The following AKAP6 variants were observed in gnomAD, a reference collection of about 807,000 sequenced individuals.
AKAP6 encodes A-kinase anchor protein 6.
AKAP6 carries 58 observed loss-of-function variants against 188.5 expected under a neutral mutation model. The ratio of observed to expected loss-of-function variants is 0.31; its 90% CI spans 0.25 to 0.38. The LOEUF (loss-of-function observed/expected upper bound fraction) is 0.38. AKAP6 is among the 10% of genes least tolerant of loss of function. The pLI is 1.00. For missense variants in AKAP6, 2,710 were observed against 2,740.0 expected (o/e 0.99, Z 0.24); for synonymous variants, 989 against 998.6 (o/e 0.99, Z 0.18).
chr14:32,346,729 C>A (rs373530010), intron 1 of AKAP6, among the ~76,000 whole-genome samples: 4 of 152,128 alleles, frequency 2.6e-5, no homozygotes, highest in Non-Finnish European at 5.9e-5. Flanking sequence ...AGGATGGTCT[C>A]GATCTCCTGA....
intron 1 of AKAP6, among the ~76,000 whole-genome samples, chr14:32,354,690 A>G (rs185396962): frequency 1.3e-5 from 2 of 152,194 alleles, no homozygotes; most frequent in Non-Finnish European, 2.9e-5. Context: ...CTTTCTCATA[A>G]TCAAGCTTTT....
chr14:32,671,073 G>A (rs895267765), intron 7 of AKAP6, among the ~76,000 whole-genome samples: 1 of 152,176 alleles, frequency 6.6e-6, no homozygotes, highest in African/African-American at 2.4e-5. Context: ...AAAGTGACAT[G>A]TTCAGCTACA....
chr14:32,372,480 G>A (rs1202681179), intron 1 of AKAP6, among the ~76,000 whole-genome samples: 2 of 151,890 alleles, frequency 1.3e-5, no homozygotes, highest in African/African-American at 2.4e-5. Flanking sequence ...AAATCAAATG[G>A]CCATAACAAT....
rs2034857601 is a variant in AKAP6 at position 32,834,769 on chromosome 14, T to C, written c.*4964T>C. The C allele has an allele frequency of 6.6e-6, 1 of 152,148 alleles. No individual in the cohort carries two copies. Among genetic ancestry groups the C allele is most frequent in the Admixed American group, 6.5e-5 (1 of 15,276 alleles). 9.4% of individuals were successfully genotyped at this position (152,148 alleles called of 1,614,324 possible). A position where few individuals can be genotyped will look rare whatever the true frequency, so the allele number is the denominator to read the frequency against. On this transcript the variant is annotated 3_prime_UTR_variant, in exon 14 of 14. Transcript: ENST00000280979. ...ACAGCCACTCTTTAATGAAGATTGA[T>C]TGAATAACTGACATTCCTGATATGT...
intron 1 of AKAP6, among the ~76,000 whole-genome samples, chr14:32,337,922 A>G (rs770021668): frequency 6.6e-6 from 1 of 152,088 alleles, no homozygotes; most frequent in Non-Finnish European, 1.5e-5. Flanking sequence ...CAGGAGGCTG[A>G]GGGGGGAGGA....
intron 3 of AKAP6, among the ~76,000 whole-genome samples, chr14:32,542,334 A>T (rs904692476): frequency 6.6e-6 from 1 of 152,222 alleles, no homozygotes; most frequent in Non-Finnish European, 1.5e-5. Flanking sequence ...TTCATTCAAC[A>T]TATGTGCATT....
intron 2 of AKAP6, among the ~76,000 whole-genome samples, chr14:32,463,834 C>G (rs1386985146): frequency 2.6e-5 from 4 of 151,980 alleles, no homozygotes; most frequent in Non-Finnish European, 5.9e-5. Context: ...TAACAAAATA[C>G]ATAGACTGCT....
chr14:32,511,137 A>G (rs1325550806), intron 2 of AKAP6, among the ~76,000 whole-genome samples: 1 of 152,210 alleles, frequency 6.6e-6, no homozygotes, highest in African/African-American at 2.4e-5. Flanking sequence ...TGCTAGTTTC[A>G]GAAATAAATT....
Position 32,821,419 on chromosome 14 carries a change from T to C in AKAP6, c.3606T>C (p.Ile1202=). Reference sequence around the variant, plus strand: ...TCACACAGGAGACTTTGAATGTGATTGATCCTGGCTTGATGGACCTAAATG... The same window carrying C: ...TCACACAGGAGACTTTGAATGTGATCGATCCTGGCTTGATGGACCTAAATG... The part of the protein sequence containing the change: ...MGKESETLNV[I]DPGLMDLNGM... Residue 1202 remains isoleucine (I), a synonymous_variant, in exon 13 of 14, where the codon ATT becomes ATC. Transcript: ENST00000280979. 6.2e-7 allele frequency: 1 copy of C among 1,607,704 alleles called. No homozygotes were observed. Among genetic ancestry groups the C allele is most frequent in the Non-Finnish European group, 8.5e-7 (1 of 1,176,436 alleles).
chr14:32,756,755 A>C (rs1011657597), intron 11 of AKAP6, among the ~76,000 whole-genome samples: 1 of 152,046 alleles, frequency 6.6e-6, no homozygotes, highest in South Asian at 2.1e-4. Flanking sequence ...TCCTGGTGCT[A>C]GGGTCTCCTG....
At chr14:32,406,561 T>C (rs1023805521) in intron 1 of AKAP6, among the ~76,000 whole-genome samples, 3 of 152,176 alleles carry the variant, frequency 2.0e-5, no homozygotes, top group Non-Finnish European at 4.4e-5. Flanking sequence ...TGGAGGCTTA[T>C]ATGTTGTTAA....
At chr14:32,416,149 T>A (rs1320721080) in intron 1 of AKAP6, among the ~76,000 whole-genome samples, 2 of 152,208 alleles carry the variant, frequency 1.3e-5, no homozygotes, top group Non-Finnish European at 2.9e-5. Flanking sequence ...TGTACCATTT[T>A]ACATTCCCAC....
intron 2 of AKAP6, among the ~76,000 whole-genome samples, chr14:32,467,212 GA>G (rs71432058): frequency 9.7e-6 from 1 of 102,864 alleles, no homozygotes; most frequent in Non-Finnish European, 2.2e-5. Flanking sequence ...AAGTTGGAAG[GA>G]AAAAAAAACA....
chr14:32,436,205 C>T (rs1890372491), intron 2 of AKAP6, among the ~76,000 whole-genome samples: 1 of 152,174 alleles, frequency 6.6e-6, no homozygotes, highest in Non-Finnish European at 1.5e-5. Flanking sequence ...GAAAAATAAC[C>T]ATCTCAAGGC....
chr14:32,604,949 C>G (rs1353128005), intron 7 of AKAP6, among the ~76,000 whole-genome samples: 1 of 152,102 alleles, frequency 6.6e-6, no homozygotes, highest in East Asian at 1.9e-4. Flanking sequence ...CATGCATTAG[C>G]TTTTTTTCCT....
intron 11 of AKAP6, among the ~76,000 whole-genome samples, chr14:32,762,474 A>G (rs1402500172): frequency 1.3e-5 from 2 of 152,150 alleles, no homozygotes; most frequent in Admixed American, 6.5e-5. Flanking sequence ...AACATATTTA[A>G]AAGTATGTAA....
intron 12 of AKAP6, among the ~76,000 whole-genome samples, chr14:32,778,995 G>A (rs1056419938): frequency 1.3e-5 from 2 of 151,966 alleles, no homozygotes; most frequent in Admixed American, 1.3e-4. Context: ...TAAAACAACT[G>A]CATAAATAAT....
chr14:32,713,572 C>A (rs2030011447), intron 9 of AKAP6, among the ~76,000 whole-genome samples: 1 of 152,048 alleles, frequency 6.6e-6, no homozygotes, highest in African/African-American at 2.4e-5. Flanking sequence ...CTTGCTGCAG[C>A]TTCTCCATCA....
At chr14:32,769,923 C>G (rs2032847165) in intron 11 of AKAP6, among the ~76,000 whole-genome samples, 2 of 152,086 alleles carry the variant, frequency 1.3e-5, no homozygotes, top group Non-Finnish European at 1.5e-5. Context: ...AAGTAAATAT[C>G]TATCTGTTTG....
Sources: gnomAD v4.1 joint callset for allele counts (sites outside exome capture counted in the v4.1 genomes callset) on GRCh38, gnomAD v4.1.1 for gene constraint, MANE v1.5 for transcripts, NCBI Gene and HGNC (gene_info 2026-07-23, HGNC 2026-07-21) for gene names.